Variants in CFB observed in about 807,000 individuals in gnomAD.
CFB encodes complement factor B.
CFB carries 59 observed loss-of-function variants against 97.2 expected under a neutral mutation model. The ratio of observed to expected loss-of-function variants is 0.61; its 90% CI spans 0.49 to 0.75. The LOEUF is 0.75. Ranked by LOEUF, CFB falls within the 30% of genes least tolerant of loss-of-function variation. The pLI is 0.00. For synonymous variants in CFB, 316 were observed against 351.7 expected (o/e 0.90, Z 1.14); for missense variants, 771 against 959.8 (o/e 0.80, Z 2.60).
At position 31,951,792 on chromosome 6, in the gene CFB, A is replaced by T; in HGVS notation, c.2140-83A>T. 6.2e-7 allele frequency: 1 copy of T among 1,605,434 alleles called. No individual in the cohort carries two copies. The highest frequency in any genetic ancestry group is 8.5e-7 in the Non-Finnish European group (1 of 1,173,250). On this transcript the variant is annotated intron_variant, in intron 17 of 17. Coordinates refer to ENST00000425368, the MANE Select transcript of CFB (RefSeq NM_001710.6). This position sits in a 1 kb window ranked among gnomAD's most constrained non-coding sequence, Gnocchi z 4.3. ...GTCCCTAGTCTGATTCCTTTAGGTCAGCTAAGACACAAGCAGGAACAGCCA... is the reference window on the plus strand; with the variant it reads ...GTCCCTAGTCTGATTCCTTTAGGTCTGCTAAGACACAAGCAGGAACAGCCA...
rs773649286 is a variant in CFB, at chr6:31,946,678, G to C, written c.298+72G>C. ...CAGGCGGCAGCAAGGTCAGGACTAG[G>C]ATGAGACTAGGCAGGGTGACAAGGT... On this transcript the variant is annotated intron_variant, in intron 2 of 17. Coordinates refer to ENST00000425368, the MANE Select transcript of CFB (RefSeq NM_001710.6). The surrounding 1 kb of genome is among the most constrained non-coding windows in gnomAD (Gnocchi z 6.4). 2.0e-4 allele frequency: 277 copies of C among 1,382,836 alleles called. No individual in the cohort carries two copies. Among genetic ancestry groups the C allele is most frequent in the Non-Finnish European group, 2.7e-4 (268 of 996,128 alleles). 85.7% of individuals were successfully genotyped at this position (1,382,836 alleles called of 1,614,324 possible). A position where few individuals can be genotyped will look rare whatever the true frequency, so the allele number is the denominator to read the frequency against.
chr6:31,950,179 G>C (rs1287143336), intron 11 of CFB, 32 bp downstream of exon 11: 2 of 1,610,682 alleles, frequency 1.2e-6, no homozygotes, highest in South Asian at 1.1e-5. Context: ...TGGGGACTTG[G>C]GGGAGGTGAG....
Position 31,950,061 on chromosome 6 carries a change from T to C in CFB, c.1420T>C (p.Ser474Pro), listed in dbSNP as rs746306913. Residue 474 changes from serine (S) to proline (P), a missense_variant, in exon 11 of 18, where the codon TCT (serine) becomes CCT (proline). Transcript: ENST00000425368. ...VFYQMIDESQ[S>P]LSLCGMVWEH... ...TCCTTCTCTGCCAGATGAAAGCCAG[T>C]CTCTGAGTCTCTGTGGCATGGTTTG... 3 of 1,613,064 alleles carry C rather than the reference T, an allele frequency of 1.9e-6. No individual in the cohort carries two copies. The highest frequency in any genetic ancestry group is 2.5e-6 in the Non-Finnish European group (3 of 1,180,020).
Position 31,947,260 on chromosome 6 carries a change from C to A in CFB, c.484+68C>A, listed in dbSNP as rs1179886588. 3 of 1,610,296 alleles carry A rather than the reference C, an allele frequency of 1.9e-6. No homozygotes were observed. The African/African-American group carries it at 4.0e-5, about 22-fold the overall frequency. Reference sequence around the variant, plus strand: ...GCGCCCAGCCCGAGGAGTGGGCACTCGGCTCCGGACACTGTAACTCTTGCT... The same window carrying A: ...GCGCCCAGCCCGAGGAGTGGGCACTAGGCTCCGGACACTGTAACTCTTGCT... On this transcript the variant is annotated intron_variant, in intron 3 of 17. Transcript: ENST00000425368. The surrounding 1 kb of genome is among the most constrained non-coding windows in gnomAD (Gnocchi z 5.3).
In CFB at chr6:31,951,694, G is replaced by C. The variant is rs566467974; in HGVS notation, c.2139+90G>C. The C allele has an allele frequency of 2.5e-6, 4 of 1,585,430 alleles. No homozygotes were observed. Among genetic ancestry groups the C allele is most frequent in the Non-Finnish European group, 8.7e-7 (1 of 1,154,026 alleles). ...GCTCAATGCATGTGGCTAGTAATTC[G>C]AGGTAGGCAGAGCCTGCCTCACCTT... is the stretch of plus-strand genomic sequence containing the variant. On this transcript the variant is annotated intron_variant, in intron 17 of 17. Transcript: ENST00000425368. This position sits in a 1 kb window ranked among gnomAD's most constrained non-coding sequence, Gnocchi z 4.3.
chr6:31,948,313 A>C, intron 6 of CFB, 61 bp from the exon 7 acceptor site: 1 of 1,611,856 alleles, frequency 6.2e-7, no homozygotes, highest in Non-Finnish European at 8.5e-7. Context: ...AAGTCGCTGA[A>C]ATCTCCCAAT....
chr6:31,949,171 C>T, intron 8 of CFB, 72 bp from the exon 9 acceptor site: 3 of 1,516,480 alleles, frequency 2.0e-6, no homozygotes, highest in Non-Finnish European at 2.7e-6. Context: ...GCTCACCCTG[C>T]CATGTGTATC....
At chr6:31,948,259 C>T (rs1483392832) in intron 6 of CFB, 115 bp from the exon 7 acceptor site, 18 of 1,528,046 alleles carry the variant, frequency 1.2e-5, no homozygotes, top group Non-Finnish European at 1.5e-5. Context: ...CCTCCATGAA[C>T]CTCAGCCCTT....
rs781502717 is a variant in CFB at position 31,946,825 on chromosome 6, C to T, written c.299-182C>T. On this transcript the variant is annotated intron_variant, in intron 2 of 17. Coordinates refer to ENST00000425368, the MANE Select transcript of CFB (RefSeq NM_001710.6). This position sits in a 1 kb window ranked among gnomAD's most constrained non-coding sequence, Gnocchi z 6.4. ...CAGGCAGCCCTGGAAGTCAAGAGAA[C>T]ACTCAGAAATGGGGAGGGAGAAGCA... 5.1e-6 allele frequency: 4 copies of T among 791,016 alleles called. No homozygotes were observed. The highest frequency in any genetic ancestry group is 8.5e-6 in the Non-Finnish European group (4 of 469,268). The allele number at this position is 791,016 out of a possible 1,614,324, so 49.0% of individuals were successfully genotyped here.
rs769927395 is a variant in CFB at position 31,947,025 on chromosome 6, C to T, written c.317C>T (p.Pro106Leu). The change falls in exon 3 of 18, where the codon CCA becomes CTA. Residue 106 changes from proline (P) to leucine (L), a missense_variant. Transcript: ENST00000425368. This position sits in a 1 kb window ranked among gnomAD's most constrained non-coding sequence, Gnocchi z 5.3. Reference protein sequence around the residue: ...AECRAIHCPRPHDFENGEYWP... With the variant: ...AECRAIHCPRLHDFENGEYWP... ...CTCAAAGCAATCCACTGTCCAAGAC[C>T]ACACGACTTCGAGAACGGGGAATAC... The T allele has an allele frequency of 1.2e-6, 2 of 1,612,994 alleles. No homozygotes were observed. Among genetic ancestry groups the T allele is most frequent in the Non-Finnish European group, 1.7e-6 (2 of 1,180,028 alleles).
chr6:31,947,906 T>C lies in CFB; in HGVS notation c.761-39T>C. 1 of 1,614,176 alleles carries C rather than the reference T, an allele frequency of 6.2e-7. No homozygotes were observed. The highest frequency in any genetic ancestry group is 1.1e-5 in the South Asian group (1 of 91,084). ...GGGGAAAATGGAGAAGGGACAGAAC[T>C]GTTAATGCTGGAGCCTGAGCCACTC... On this transcript the variant is annotated intron_variant, in intron 5 of 17. Coordinates refer to ENST00000425368, the MANE Select transcript of CFB (RefSeq NM_001710.6). The surrounding 1 kb of genome is among the most constrained non-coding windows in gnomAD (Gnocchi z 5.3).
In CFB at chr6:31,951,102, CAGT is replaced by C. The variant is rs1201786599; in HGVS notation, c.1856-41_1856-39del. 16 of 1,600,476 alleles carry C rather than the reference CAGT, an allele frequency of 1.0e-5. No homozygotes were observed. Among genetic ancestry groups the C allele is most frequent in the Non-Finnish European group, 1.4e-5 (16 of 1,169,224 alleles). ...AGTGACAAAGGCAATGGGGAGATGA[CAGT>C]GGTGGGAGCAGCTGAAGTGACGCAG... On this transcript the variant is annotated intron_variant, in intron 14 of 17. Transcript: ENST00000425368. The surrounding 1 kb of genome is among the most constrained non-coding windows in gnomAD (Gnocchi z 4.3).
chr6:31,948,564 G>A, intron 7 of CFB, 52 bp downstream of exon 7: 1 of 1,611,500 alleles, frequency 6.2e-7, no homozygotes, highest in Non-Finnish European at 8.5e-7. Context: ...GGAGGTTCAG[G>A]GTGGAGGGGG....
Position 31,951,228 on chromosome 6 carries a change from T to C in CFB, c.1940T>C (p.Ile647Thr), listed in dbSNP as rs765414037. The change falls in exon 15 of 18, where the codon ATC becomes ACC. Residue 647 changes from isoleucine (I) to threonine (T), a missense_variant. Coordinates refer to ENST00000425368, the MANE Select transcript of CFB (RefSeq NM_001710.6). The surrounding 1 kb of genome is among the most constrained non-coding windows in gnomAD (Gnocchi z 4.3). ...AAGCTGACTCGGAAGGAGGTCTACATCAAGAATGGGGATAAGGTGAGAAAC... is the reference window on the plus strand; with the variant it reads ...AAGCTGACTCGGAAGGAGGTCTACACCAAGAATGGGGATAAGGTGAGAAAC... ...EKKLTRKEVY[I>T]KNGDKKGSCE... is the part of the protein sequence containing the mutation. 2 of 1,613,090 alleles carry C rather than the reference T, an allele frequency of 1.2e-6. No individual in the cohort carries two copies. The highest frequency in any genetic ancestry group is 3.3e-5 in the Admixed American group (2 of 60,024).
Position 31,948,079 on chromosome 6 carries a change from A to G in CFB, c.895A>G (p.Lys299Glu). The G allele has an allele frequency of 6.2e-7, 1 of 1,614,134 alleles. No homozygotes were observed. The highest frequency in any genetic ancestry group is 8.5e-7 in the Non-Finnish European group (1 of 1,180,022). The change falls in exon 6 of 18, where the codon AAG becomes GAG. Residue 299 changes from lysine to glutamate, a missense_variant and splice_region_variant. Coordinates refer to ENST00000425368, the MANE Select transcript of CFB (RefSeq NM_001710.6). Reference sequence around the variant, plus strand: ...AAAGTGTCTAGTCAACTTAATTGAGAAGGTGGAATCCTCCTATCCCTGAAC... The same window carrying G: ...AAAGTGTCTAGTCAACTTAATTGAGGAGGTGGAATCCTCCTATCCCTGAAC... Reference protein sequence around the residue: ...AKKCLVNLIEKVASYGVKPRY... With the variant: ...AKKCLVNLIEEVASYGVKPRY...
At position 31,949,227 on chromosome 6, in the gene CFB, C is replaced by T. The variant is rs778982624; in HGVS notation, c.1169-16C>T. 2 of 1,613,184 alleles carry T rather than the reference C, an allele frequency of 1.2e-6. No individual in the cohort carries two copies. The highest frequency in any genetic ancestry group is 2.2e-5 in the South Asian group (2 of 91,024). Reference sequence around the variant, plus strand: ...CTTCCTTATCTCCTACCCTCATGGTCCTGTCTCTTCTGCAGGATTGCACAA... The same window carrying T: ...CTTCCTTATCTCCTACCCTCATGGTTCTGTCTCTTCTGCAGGATTGCACAA... On this transcript the variant is annotated splice_polypyrimidine_tract_variant and intron_variant, in intron 8 of 17. Transcript: ENST00000425368.
At chr6:31,950,207 G>A (rs1003782445) in intron 11 of CFB, 60 bp downstream of exon 11, 1 of 1,604,516 alleles carries the variant, frequency 6.2e-7, no homozygotes, top group Admixed American at 1.7e-5. Context: ...TGAAATGGGA[G>A]TAGGGGAAGG....
At position 31,946,987 on chromosome 6, in the gene CFB, C is replaced by G. The variant is rs1301065713; in HGVS notation, c.299-20C>G. ...AGCCTTTCCCTCTTGATGACTTCTACTTGTCCCCCCTTCTCAAAGCAATCC... is the reference window on the plus strand; with the variant it reads ...AGCCTTTCCCTCTTGATGACTTCTAGTTGTCCCCCCTTCTCAAAGCAATCC... On this transcript the variant is annotated intron_variant, in intron 2 of 17. Transcript: ENST00000425368. The surrounding 1 kb of genome is among the most constrained non-coding windows in gnomAD (Gnocchi z 6.4). The G allele has an allele frequency of 6.2e-7, 1 of 1,612,858 alleles. No homozygotes were observed. Among genetic ancestry groups the G allele is most frequent in the East Asian group, 2.2e-5 (1 of 44,860 alleles).
In CFB at chr6:31,948,858, C is replaced by T. The variant is rs1375148103; in HGVS notation, c.1065C>T (p.Thr355=). Reference sequence around the variant, plus strand: ...ACAAGTTGAAGTCAGGGACTAACACCAAGAAGGCCCTCCAGGCAGTGTACA... The same window carrying T: ...ACAAGTTGAAGTCAGGGACTAACACTAAGAAGGCCCTCCAGGCAGTGTACA... The part of the protein sequence containing the change: ...EDHKLKSGTN[T]KKALQAVYSM... The change falls in exon 8 of 18, where the codon ACC becomes ACT. Residue 355 remains threonine (T), a synonymous_variant. Transcript: ENST00000425368. The T allele has an allele frequency of 6.2e-7, 1 of 1,612,970 alleles. No homozygotes were observed.
Sources: gnomAD v4.1 joint callset for allele counts on GRCh38, gnomAD v4.1.1 for gene constraint, Gnocchi (gnomAD v3.1) non-coding constraint, MANE v1.5 for transcripts, NCBI Gene and HGNC (gene_info 2026-07-23, HGNC 2026-07-21) for gene names.